Variants in PDE10A observed in about 807,000 individuals in gnomAD.
The protein encoded by PDE10A is cAMP and cAMP-inhibited cGMP 3',5'-cyclic phosphodiesterase 10A.
Under a neutral mutation model 97.7 loss-of-function variants are expected in PDE10A, and 39 were observed. The ratio of observed to expected loss-of-function variants is 0.40; its 90% CI spans 0.31 to 0.52. PDE10A has a LOEUF of 0.52. Among genes scored for constraint, PDE10A ranks in the 20% least tolerant of loss-of-function variants. The probability of loss-of-function intolerance (pLI) is 0.56; values close to 1 mark genes in which losing one functional copy is unlikely to be tolerated. For synonymous variants in PDE10A, 371 were observed against 376.8 expected, an observed-to-expected ratio of 0.98 and a Z score of 0.18; for missense variants, 731 against 1,047.8, an observed-to-expected ratio of 0.70 and a Z score of 4.17.
At chr6:165,802,731 T>A (rs1779015723) in intron 1 of PDE10A, among the ~76,000 whole-genome samples, 1 of 152,210 alleles carries the variant, frequency 6.6e-6, no homozygotes, top group Non-Finnish European at 1.5e-5. Flanking sequence ...TCTACCTCTG[T>A]CTCCTTACTT....
intron 1 of PDE10A, among the ~76,000 whole-genome samples, chr6:165,578,286 T>G (rs1158415597): frequency 6.6e-6 from 1 of 151,652 alleles, no homozygotes; most frequent in African/African-American, 2.4e-5. Context: ...CATGACAAAT[T>G]AAGTCAAGAT....
At chr6:165,728,256 T>C (rs1458787731) in intron 1 of PDE10A, among the ~76,000 whole-genome samples, 1 of 152,204 alleles carries the variant, frequency 6.6e-6, no homozygotes, top group Non-Finnish European at 1.5e-5. Context: ...CTCATACAGC[T>C]GCTTTTCTGT....
At chr6:165,724,858 T>C (rs1203991324) in intron 1 of PDE10A, among the ~76,000 whole-genome samples, 1 of 152,182 alleles carries the variant, frequency 6.6e-6, no homozygotes, top group Non-Finnish European at 1.5e-5. Context: ...TCTTCCTCAC[T>C]ACAGCAGAGG....
intron 1 of PDE10A, among the ~76,000 whole-genome samples, chr6:165,544,282 C>T (rs927025798): frequency 1.3e-5 from 2 of 152,098 alleles, no homozygotes; most frequent in African/African-American, 4.8e-5. Context: ...GACATTTATT[C>T]GTTAATATTC....
chr6:165,801,930 C>A (rs10946102), intron 1 of PDE10A, among the ~76,000 whole-genome samples: 28,485 of 152,018 alleles, frequency 0.19, 3,221 homozygotes, highest in East Asian at 0.41. Context: ...GCTCAGGGAC[C>A]AGCAATGGAG....
chr6:165,435,819 G>C (rs1789976905), intron 5 of PDE10A, among the ~76,000 whole-genome samples: 1 of 152,052 alleles, frequency 6.6e-6, no homozygotes, highest in Non-Finnish European at 1.5e-5. Flanking sequence ...ATTTTCATTA[G>C]AAATCTTCCC....
At chr6:165,384,688 A>T (rs1785173917) in intron 17 of PDE10A, among the ~76,000 whole-genome samples, 1 of 142,772 alleles carries the variant, frequency 7.0e-6, no homozygotes, top group African/African-American at 2.7e-5. Context: ...GGGCGACTAA[A>T]GGTTAGCTTT....
intron 1 of PDE10A, among the ~76,000 whole-genome samples, chr6:165,674,464 G>A (rs1013477220): frequency 2.0e-5 from 3 of 152,188 alleles, no homozygotes; most frequent in Admixed American, 6.5e-5. Flanking sequence ...GGGAGAAAGC[G>A]GAAGTGGCTG....
chr6:165,388,171 G>A lies in PDE10A; in HGVS notation c.2610+127C>T. 1 of 742,052 alleles carries A rather than the reference G, an allele frequency of 1.3e-6. No individual in the cohort carries two copies. Among genetic ancestry groups the A allele is most frequent in the South Asian group, 1.8e-5 (1 of 56,746 alleles). 46.0% of individuals were successfully genotyped at this position (742,052 alleles called of 1,614,324 possible). On this transcript the variant is annotated intron_variant, in intron 17 of 21. Transcript: ENST00000539869. The surrounding 1 kb of genome is among the most constrained non-coding windows in gnomAD (Gnocchi z 4.0). ...ATTTAATGATGACTATAAATATAAG[G>A]TTCTACAATAAAAAGTAGCTGTTGC...
chr6:165,824,336 C>G (rs951968417), intron 1 of PDE10A, among the ~76,000 whole-genome samples: 1 of 152,112 alleles, frequency 6.6e-6, no homozygotes, highest in Non-Finnish European at 1.5e-5. Context: ...AAGTTCAATC[C>G]CCAAATATCA....
intron 2 of PDE10A, among the ~76,000 whole-genome samples, chr6:165,521,283 G>C (rs1446673673): frequency 6.6e-6 from 1 of 151,992 alleles, no homozygotes; most frequent in Non-Finnish European, 1.5e-5. Flanking sequence ...CTTATTCCCT[G>C]AGACACAACA....
Position 165,329,128 on chromosome 6 carries a change from T to C in PDE10A, c.*3897A>G, listed in dbSNP as rs1469462743. 3 of 152,190 alleles carry C rather than the reference T, an allele frequency of 2.0e-5. No individual in the cohort carries two copies. The highest frequency in any genetic ancestry group is 2.0e-4 in the Admixed American group (3 of 15,286). 9.4% of individuals were successfully genotyped at this position (152,190 alleles called of 1,614,324 possible). A position where few individuals can be genotyped will look rare whatever the true frequency, so the allele number is the denominator to read the frequency against. On this transcript the variant is annotated 3_prime_UTR_variant, in exon 22 of 22. Transcript: ENST00000539869. ...CTGCAAAGTGTAGAAAGCAAACATATGTTCGAAATATGTAAAGAGAGAAGT... is the reference window on the plus strand; with the variant it reads ...CTGCAAAGTGTAGAAAGCAAACATACGTTCGAAATATGTAAAGAGAGAAGT...
intron 18 of PDE10A, among the ~76,000 whole-genome samples, chr6:165,376,286 T>C (rs193268912): frequency 6.3e-4 from 96 of 152,312 alleles, no homozygotes; most frequent in Middle Eastern, 6.8e-3. Flanking sequence ...TGGTAGAAAC[T>C]AGTGGAGCCT....
intron 2 of PDE10A, among the ~76,000 whole-genome samples, chr6:165,482,954 C>A (rs966771345): frequency 6.6e-6 from 1 of 152,104 alleles, no homozygotes; most frequent in Admixed American, 6.5e-5. Context: ...AGGTGAGAAT[C>A]CCTGGAAGGC....
intron 1 of PDE10A, among the ~76,000 whole-genome samples, chr6:165,864,436 A>G (rs1318707080): frequency 6.6e-6 from 1 of 152,250 alleles, no homozygotes; most frequent in African/African-American, 2.4e-5. Flanking sequence ...GAATGGGCAA[A>G]GGCCCTAACA....
chr6:165,541,491 T>C (rs1266170872), intron 2 of PDE10A, among the ~76,000 whole-genome samples: 1 of 152,130 alleles, frequency 6.6e-6, no homozygotes, highest in Non-Finnish European at 1.5e-5. Flanking sequence ...TTTATGAAAA[T>C]TCAAGAGTTA....
intron 1 of PDE10A, among the ~76,000 whole-genome samples, chr6:165,605,686 T>C (rs1192740275): frequency 6.6e-6 from 1 of 152,174 alleles, no homozygotes; most frequent in African/African-American, 2.4e-5. Flanking sequence ...TGTGGCAGGC[T>C]GTTGAGTGCC....
chr6:165,964,042 C>T (rs959494832), intron 1 of PDE10A, among the ~76,000 whole-genome samples: 7 of 152,332 alleles, frequency 4.6e-5, no homozygotes, highest in Non-Finnish European at 8.8e-5. Flanking sequence ...TTGTTTAAAA[C>T]GTACAGATGT....
At chr6:165,535,607 G>T (rs1470050166) in intron 2 of PDE10A, among the ~76,000 whole-genome samples, 1 of 151,248 alleles carries the variant, frequency 6.6e-6, no homozygotes, top group African/African-American at 2.4e-5. Context: ...GTGCGCGTGT[G>T]TGTGTGTGTG....
Sources: gnomAD v4.1 joint callset for allele counts (sites outside exome capture counted in the v4.1 genomes callset) on GRCh38, gnomAD v4.1.1 for gene constraint, Gnocchi (gnomAD v3.1) non-coding constraint, MANE v1.5 for transcripts, NCBI Gene and HGNC (gene_info 2026-07-23, HGNC 2026-07-21) for gene names.